The following SAMD11 variants were observed in gnomAD, a reference collection of about 807,000 sequenced individuals.
SAMD11 encodes the protein sterile alpha motif domain-containing protein 11.
In SAMD11, 77 loss-of-function variants were observed where a neutral mutation model predicts 64.4. That is an observed-to-expected ratio of 1.20 (90% CI 0.99 to 1.44). SAMD11 has a LOEUF of 1.44. SAMD11 is among the 40% of genes most tolerant of loss of function. The pLI is 0.00. For missense variants in SAMD11, 1,402 were observed against 943.3 expected, an observed-to-expected ratio of 1.49 and a Z score of -6.37; for synonymous variants, 658 against 421.9, an observed-to-expected ratio of 1.56 and a Z score of -6.86.
intron 2 of SAMD11, among the ~76,000 whole-genome samples, chr1:929,169 G>C (rs752841397): frequency 6.6e-6 from 1 of 152,208 alleles, no homozygotes; most frequent in Non-Finnish European, 1.5e-5. Flanking sequence ...GGGCTGGGCC[G>C]GCGCTGGTGT....
chr1:943,016 C>A lies in SAMD11; in HGVS notation c.2011C>A (p.Pro671Thr), dbSNP rs763768729. ...GGGGCTTTTCCCAGGGTCCACACTGCCCCTGGGCTTCCCTTATGCCGTCAG... is the reference window on the plus strand; with the variant it reads ...GGGGCTTTTCCCAGGGTCCACACTGACCCTGGGCTTCCCTTATGCCGTCAG... ...GKGLFPGSTL[P>T]LGFPYAVSPY... The change falls in exon 11 of 14, where the codon CCC becomes ACC. Residue 671 changes from proline (P) to threonine (T), a missense_variant. By Grantham distance (38) the Pro-to-Thr change is conservative. Transcript: ENST00000616016. The A allele has an allele frequency of 1.3e-6, 2 of 1,534,108 alleles. No homozygotes were observed. The highest frequency in any genetic ancestry group is 2.8e-5 in the African/African-American group (2 of 71,736).
At chr1:941,094 A>C in intron 7 of SAMD11, 50 bp from the exon 8 acceptor site, 1 of 1,501,960 alleles carries the variant, frequency 6.7e-7, no homozygotes, top group Non-Finnish European at 9.1e-7. Context: ...CGGGCTGGGG[A>C]GGATGAGGGC....
At chr1:927,618 C>T (rs1640957044) in intron 2 of SAMD11, among the ~76,000 whole-genome samples, 1 of 152,250 alleles carries the variant, frequency 6.6e-6, no homozygotes, top group African/African-American at 2.4e-5. Flanking sequence ...CCCCCAAGCC[C>T]CATGCCAAAT....
At position 944,089 on chromosome 1, in the gene SAMD11, A is replaced by C; in HGVS notation, c.2471A>C (p.Lys824Thr). 6.2e-7 allele frequency: 1 copy of C among 1,612,304 alleles called. No individual in the cohort carries two copies. The highest frequency in any genetic ancestry group is 8.5e-7 in the Non-Finnish European group (1 of 1,179,796). ...GCCCTTGCCGGTCAAACTTCACCCA[A>C]GCAGGAGAATGGGACCTTGGCTCTA... ...GHALAGQTSP[K>T]QENGTLALLP... The change falls in exon 14 of 14, where the codon AAG (lysine) becomes ACG (threonine). Residue 824 changes from lysine (K) to threonine (T), a missense_variant. Physicochemically the swap from Lys to Thr is moderately conservative, Grantham distance 78. Transcript: ENST00000616016.
rs994896374 is a variant in SAMD11 at position 942,457 on chromosome 1, C to G, written c.1522C>G (p.Gln508Glu). The G allele has an allele frequency of 2.7e-6, 4 of 1,488,016 alleles. No individual in the cohort carries two copies. The highest frequency in any genetic ancestry group is 4.4e-5 in the Admixed American group (2 of 45,630). The allele number at this position is 1,488,016 out of a possible 1,614,324, so 92.2% of individuals were successfully genotyped here. The part of the protein sequence containing the change: ...PAQAEMFAWQ[Q>E]ELLRKQNLAR... Reference sequence around the variant, plus strand: ...GCAGGCGGAGATGTTCGCCTGGCAGCAGGAGCTCCTGCGGAAGCAGAACCT... The same window carrying G: ...GCAGGCGGAGATGTTCGCCTGGCAGGAGGAGCTCCTGCGGAAGCAGAACCT... The change falls in exon 10 of 14, where the codon CAG becomes GAG. Residue 508 changes from glutamine (Q) to glutamate (E), a missense_variant. Physicochemically the swap from Gln to Glu is conservative, Grantham distance 29. Transcript: ENST00000616016.
At position 930,136 on chromosome 1, in the gene SAMD11, TCTC is replaced by T. The variant is rs759150188; in HGVS notation, c.610-13_610-11del. The T allele has an allele frequency of 2.7e-5, 42 of 1,545,864 alleles. No individual in the cohort carries two copies. The highest frequency in any genetic ancestry group is 3.6e-5 in the Non-Finnish European group (41 of 1,144,184). On this transcript the variant is annotated splice_polypyrimidine_tract_variant and intron_variant, in intron 2 of 13. Coordinates refer to ENST00000616016, the MANE Select transcript of SAMD11 (RefSeq NM_001385641.1). ...TTCCTCTCCTCCTGCCCCACCTTCC[TCTC>T]CTCCTGCCCCACCAGAACCGGGGGC...
rs547172192 is a variant in SAMD11 at position 944,112 on chromosome 1, C to G, written c.2494C>G (p.Leu832Val). Residue 832 changes from leucine (L) to valine (V), a missense_variant, in exon 14 of 14, where the codon CTA (leucine) becomes GTA (valine). Transcript: ENST00000616016. ...SPKQENGTLA[L>V]LPGAPDPSQP... ...CAAGCAGGAGAATGGGACCTTGGCT[C>G]TACTTCCAGGGGCCCCCGACCCTTC... 3.1e-6 allele frequency: 5 copies of G among 1,606,170 alleles called. No individual in the cohort carries two copies. The highest frequency in any genetic ancestry group is 1.1e-5 in the South Asian group (1 of 90,552).
intron 1 of SAMD11, among the ~76,000 whole-genome samples, chr1:925,575 C>G (rs1640842440): frequency 6.6e-6 from 1 of 152,174 alleles, no homozygotes; most frequent in Admixed American, 6.5e-5. Context: ...GCCGAGGGTC[C>G]CGACGGCGCC....
chr1:942,147 A>T lies in SAMD11; in HGVS notation c.1370A>T (p.Gln457Leu). 1 of 1,360,590 alleles carries T rather than the reference A, an allele frequency of 7.3e-7. No individual in the cohort carries two copies. 84.3% of individuals were successfully genotyped at this position (1,360,590 alleles called of 1,614,324 possible). The change falls in exon 9 of 14, where the codon CAG (glutamine) becomes CTG (leucine). Residue 457 changes from glutamine to leucine, a missense_variant. Physicochemically the swap from Gln to Leu is moderately radical, Grantham distance 113 (BLOSUM62 -2). Coordinates refer to ENST00000616016, the MANE Select transcript of SAMD11 (RefSeq NM_001385641.1). ...APSFSERELP[Q>L]PPPLLSPQNA... ...GCTGCCGTCCACAGGGAGCTGCCTC[A>T]GCCGCCCCCCTTGCTGTCGCCGCAG... is the stretch of plus-strand genomic sequence containing the variant.
intron 4 of SAMD11, among the ~76,000 whole-genome samples, chr1:932,342 C>G (rs1157012639): frequency 1.3e-5 from 2 of 152,208 alleles, no homozygotes; most frequent in South Asian, 2.1e-4. Context: ...TGCAGCGTCC[C>G]TCGGCAGCAC....
chr1:936,443 T>TCC lies in SAMD11; in HGVS notation c.967+547_967+548insCC, dbSNP rs1171299270. On this transcript the variant is annotated intron_variant, in intron 5 of 13. Coordinates refer to ENST00000616016, the MANE Select transcript of SAMD11 (RefSeq NM_001385641.1). ...GAGGGGGTCCCCGGTCGGTCCCGCCTTCTAGGGCTCCGGGAAGGATGGGGT... is the reference window on the plus strand; with the variant it reads ...GAGGGGGTCCCCGGTCGGTCCCGCCTCCTCTAGGGCTCCGGGAAGGATGGGGT... 1.2e-3 allele frequency among the ~76,000 whole-genome samples: 173 copies of TCC among 146,424 alleles called. 23 individuals carry two copies. The highest frequency in any genetic ancestry group is 4.5e-3 in the African/African-American group (165 of 36,546).
chr1:943,922 G>A lies in SAMD11; in HGVS notation c.2304G>A (p.Leu768=), dbSNP rs1275697129. 1 of 1,612,714 alleles carries A rather than the reference G, an allele frequency of 6.2e-7. No individual in the cohort carries two copies. The highest frequency in any genetic ancestry group is 1.7e-5 in the Admixed American group (1 of 60,018). The change falls in exon 14 of 14, where the codon CTG becomes CTA. Residue 768 remains leucine, a synonymous_variant. Coordinates refer to ENST00000616016, the MANE Select transcript of SAMD11 (RefSeq NM_001385641.1). ...TCTCTCTGCAGGTGGCCAGGCGCCT[G>A]GGCCGAGTTTTCTACGTGGCCAGCT... ...LKIRAQVARR[L]GRVFYVASFP... is the part of the protein sequence containing the mutation.
chr1:939,290 C>A lies in SAMD11; in HGVS notation c.1073C>A (p.Pro358Gln). The change falls in exon 7 of 14, where the codon CCG (proline) becomes CAG (glutamine). Residue 358 changes from proline to glutamine, a missense_variant. Physicochemically the swap from Pro to Gln is moderately conservative, Grantham distance 76. Transcript: ENST00000616016. ...SESPQEALLL[P>Q]RELGPSMAPE... is the part of the protein sequence containing the mutation. The stretch of plus-strand genomic sequence containing the variant: ...TCCCCAGCAGAGGCGCTGCTGCTGC[C>A]GCGGGAGCTGGGGCCCAGCATGGCC... 1 of 1,606,608 alleles carries A rather than the reference C, an allele frequency of 6.2e-7. No homozygotes were observed. The highest frequency in any genetic ancestry group is 1.1e-5 in the South Asian group (1 of 89,818).
Position 939,172 on chromosome 1 carries a change from G to A in SAMD11, c.1057+43G>A, listed in dbSNP as rs1200886846. On this transcript the variant is annotated intron_variant, in intron 6 of 13. Transcript: ENST00000616016. ...ACGAGAGACAGGTCACCAGGGGAGGGGGCAGTCCCTGAGGGTCCCCTGGAC... is the reference window on the plus strand; with the variant it reads ...ACGAGAGACAGGTCACCAGGGGAGGAGGCAGTCCCTGAGGGTCCCCTGGAC... 27 of 1,555,342 alleles carry A rather than the reference G, an allele frequency of 1.7e-5. No individual in the cohort carries two copies. In the Admixed American group the frequency reaches 1.7e-4, roughly 10 times the overall value.
Position 942,997 on chromosome 1 carries a change from T to C in SAMD11, c.1992T>C (p.Leu664=). Residue 664 remains leucine, a synonymous_variant, in exon 11 of 14, where the codon CTT becomes CTC. Transcript: ENST00000616016. Reference sequence around the variant, plus strand: ...GGGCCGGCGCCGAGGGGAAGGGGCTTTTCCCAGGGTCCACACTGCCCCTGG... The same window carrying C: ...GGGCCGGCGCCGAGGGGAAGGGGCTCTTCCCAGGGTCCACACTGCCCCTGG... ...AGGAGAEGKG[L]FPGSTLPLGF... The C allele has an allele frequency of 1.3e-6, 2 of 1,539,006 alleles. No homozygotes were observed. Among genetic ancestry groups the C allele is most frequent in the Non-Finnish European group, 1.7e-6 (2 of 1,146,500 alleles).
At chr1:930,917 C>A in intron 3 of SAMD11, 122 bp from the exon 4 acceptor site, 1 of 948,136 alleles carries the variant, frequency 1.1e-6, no homozygotes, top group Non-Finnish European at 1.7e-6. Flanking sequence ...CCCTCGTTCA[C>A]TGCCCAGGGC....
chr1:942,467 T>TGCG lies in SAMD11; in HGVS notation c.1534_1536dup (p.Arg512dup), dbSNP rs1179386454. On this transcript the variant is annotated inframe_insertion, in exon 10 of 14. Coordinates refer to ENST00000616016, the MANE Select transcript of SAMD11 (RefSeq NM_001385641.1). ...ATGTTCGCCTGGCAGCAGGAGCTCC[T>TGCG]GCGGAAGCAGAACCTGGCCCGGTAG... 2 of 1,480,864 alleles carry TGCG rather than the reference T, an allele frequency of 1.4e-6. No homozygotes were observed. Among genetic ancestry groups the TGCG allele is most frequent in the African/African-American group, 2.9e-5 (2 of 68,222 alleles). The allele number at this position is 1,480,864 out of a possible 1,614,324, so 91.7% of individuals were successfully genotyped here.
Position 944,351 on chromosome 1 carries a change from G to A in SAMD11, c.*198G>A, listed in dbSNP as rs566101256. The A allele has an allele frequency of 2.2e-5, 30 of 1,368,252 alleles. No homozygotes were observed. The Admixed American group carries it at 3.5e-4, about 16-fold the overall frequency. The allele number at this position is 1,368,252 out of a possible 1,614,324, so 84.8% of individuals were successfully genotyped here. ...AAGGCAGAGCCTGGTGCAGATGGAC[G>A]AGGTCTGCAGACGGAGGGCAGAGGT... On this transcript the variant is annotated 3_prime_UTR_variant, in exon 14 of 14. Transcript: ENST00000616016.
At chr1:943,187 ACGGTCAGGAGACGGG>A in intron 11 of SAMD11, 51 bp from the exon 12 acceptor site, 1 of 1,607,104 alleles carries the variant, frequency 6.2e-7, no homozygotes. Context: ...GGGGCACACG[ACGGTCAGGAGACGGG>A]CGGGTATGGG....
Sources: gnomAD v4.1 joint callset for allele counts (sites outside exome capture counted in the v4.1 genomes callset) on GRCh38, gnomAD v4.1.1 for gene constraint, MANE v1.5 for transcripts, NCBI Gene and HGNC (gene_info 2026-07-23, HGNC 2026-07-21) for gene names.